LINGO2: variants seen among roughly 807,000 people sequenced by gnomAD.
The protein encoded by LINGO2 is leucine-rich repeat and immunoglobulin-like domain-containing nogo receptor-interacting protein 2.
In LINGO2, 14 loss-of-function variants were observed where a neutral mutation model predicts 30.6. That is an observed-to-expected ratio of 0.46 (90% confidence interval 0.30 to 0.72). LINGO2 has a LOEUF of 0.72. LINGO2 is among the 30% of genes least tolerant of loss of function. LINGO2 has a pLI of 0.07. For synonymous variants in LINGO2, 317 were observed against 288.5 expected, an observed-to-expected ratio of 1.10 and a Z score of -1.00; for missense variants, 729 against 751.7, an observed-to-expected ratio of 0.97 and a Z score of 0.35.
At chr9:29,070,890 A>C in the LINGO2 span, among the ~76,000 whole-genome samples, 14 of 150,988 alleles carry the variant, frequency 9.3e-5, no homozygotes, top group South Asian at 2.9e-3. Context: ...AATTGTATAT[A>C]TATGAATATA....
At chr9:28,254,665 T>A (rs1002423533) in intron 4 of LINGO2, among the ~76,000 whole-genome samples, 1 of 151,938 alleles carries the variant, frequency 6.6e-6, no homozygotes, top group Non-Finnish European at 1.5e-5. Context: ...TCTGTCCTTT[T>A]ACTGAAAAAA....
chr9:28,309,698 AT>A (rs749321328), intron 3 of LINGO2, among the ~76,000 whole-genome samples: 1 of 152,062 alleles, frequency 6.6e-6, no homozygotes, highest in Non-Finnish European at 1.5e-5. Flanking sequence ...ACGTTTTTGC[AT>A]TGTGAAAACC....
At chr9:28,983,118 C>T in the LINGO2 span, among the ~76,000 whole-genome samples, 3 of 151,842 alleles carry the variant, frequency 2.0e-5, no homozygotes, top group Non-Finnish European at 4.4e-5. Flanking sequence ...AGACAAAACG[C>T]TATCTGTGTG....
At chr9:28,078,522 T>C (rs2133206642) in intron 4 of LINGO2, among the ~76,000 whole-genome samples, 1 of 148,588 alleles carries the variant, frequency 6.7e-6, no homozygotes, top group East Asian at 1.9e-4. Context: ...ATTGACAAAT[T>C]ATGTTATATT....
Position 28,160,341 on chromosome 9 carries a change from G to A in LINGO2, c.-87+134867C>T, listed in dbSNP as rs143274267. Reference sequence around the variant, plus strand: ...CTCATTAAACAGAGTAATGACCCTTGGACTCATCATATTTAAAAAATAAAA... The same window carrying A: ...CTCATTAAACAGAGTAATGACCCTTAGACTCATCATATTTAAAAAATAAAA... On this transcript the variant is annotated intron_variant, in intron 4 of 5. Transcript: ENST00000379992. 9.0e-3 allele frequency among the ~76,000 whole-genome samples: 1,370 copies of A among 151,914 alleles called. 19 individuals are homozygous for A. Among genetic ancestry groups the A allele is most frequent in the African/African-American group, 0.023 (959 of 41,430 alleles).
intron 1 of LINGO2, among the ~76,000 whole-genome samples, chr9:28,524,940 A>C (rs1371756027): frequency 6.6e-6 from 1 of 152,212 alleles, no homozygotes; most frequent in Non-Finnish European, 1.5e-5. Context: ...AAATATACTT[A>C]ACATGATTAG....
downstream of LINGO2, among the ~76,000 whole-genome samples, chr9:27,947,116 A>G (rs1823395213): frequency 6.6e-6 from 1 of 152,290 alleles, no homozygotes; most frequent in East Asian, 1.9e-4. Context: ...TGAAATAGGA[A>G]AAGTATAGAT....
chr9:28,557,710 C>T (rs1011952074), intron 1 of LINGO2, among the ~76,000 whole-genome samples: 11 of 151,136 alleles, frequency 7.3e-5, no homozygotes, highest in Admixed American at 2.0e-4. Context: ...ATGTTTATTG[C>T]GGCATTATTC....
At chr9:28,186,666 G>C (rs1819552782) in intron 4 of LINGO2, among the ~76,000 whole-genome samples, 1 of 152,052 alleles carries the variant, frequency 6.6e-6, no homozygotes, top group Admixed American at 6.6e-5. Flanking sequence ...CAAAAAATGT[G>C]AAGACTTCAA....
At chr9:28,926,170 C>T in the LINGO2 span, among the ~76,000 whole-genome samples, 7 of 151,994 alleles carry the variant, frequency 4.6e-5, no homozygotes, top group Non-Finnish European at 8.8e-5. Flanking sequence ...AAAAATTAGC[C>T]GGGGACAGTG....
exon 6 of LINGO2, chr9:27,950,048 C>A: frequency 6.2e-7 from 1 of 1,614,102 alleles, no homozygotes; most frequent in Middle Eastern, 1.6e-4. Context: ...TGAGATGCTT[C>A]AGATGCAGGC....
chr9:28,271,729 C>A (rs1822948255), intron 4 of LINGO2, among the ~76,000 whole-genome samples: 1 of 152,096 alleles, frequency 6.6e-6, no homozygotes, highest in Non-Finnish European at 1.5e-5. Context: ...TGGCTGTACC[C>A]ACTGCGATGC....
the LINGO2 span, among the ~76,000 whole-genome samples, chr9:29,184,770 G>C: frequency 6.7e-6 from 1 of 148,794 alleles, no homozygotes; most frequent in African/African-American, 2.5e-5. Flanking sequence ...GTTTTGTCTG[G>C]AGAATGGATT....
chr9:28,683,042 G>T, the LINGO2 span, among the ~76,000 whole-genome samples: 39 of 151,964 alleles, frequency 2.6e-4, no homozygotes, highest in Non-Finnish European at 1.5e-5. Flanking sequence ...CACTTTCCCT[G>T]TCCTGAGATA....
At chr9:29,127,596 G>A in the LINGO2 span, among the ~76,000 whole-genome samples, 8,127 of 152,076 alleles carry the variant, frequency 0.053, 305 homozygotes, top group Admixed American at 0.098. Context: ...CATCAGGTTC[G>A]GGTGAGGGAC....
the LINGO2 span, among the ~76,000 whole-genome samples, chr9:28,876,871 T>G: frequency 3.9e-5 from 6 of 152,062 alleles, no homozygotes; most frequent in Non-Finnish European, 2.9e-5. Context: ...CCACCAACAG[T>G]GTAAAAGTGT....
the LINGO2 span, among the ~76,000 whole-genome samples, chr9:28,797,353 T>G: frequency 0.08 from 4,780 of 59,654 alleles, 75 homozygotes; most frequent in African/African-American, 0.094. Flanking sequence ...TATATATATA[T>G]ATATATAGAG....
At chr9:28,241,425 G>A (rs4392996) in intron 4 of LINGO2, among the ~76,000 whole-genome samples, 6 of 151,982 alleles carry the variant, frequency 3.9e-5, no homozygotes, top group African/African-American at 1.2e-4. Context: ...GAGGTATCAG[G>A]GTTCTGTCAT....
chr9:28,354,152 T>TA (rs199705884), intron 3 of LINGO2, among the ~76,000 whole-genome samples: 22 of 149,974 alleles, frequency 1.5e-4, no homozygotes, highest in South Asian at 6.4e-4. Context: ...TAAAGTTAAT[T>TA]AAAAAAAAAA....
Sources: allele counts gnomAD v4.1 joint callset (sites outside exome capture counted in the v4.1 genomes callset), GRCh38; gene constraint gnomAD v4.1.1; transcripts MANE v1.5; gene names NCBI Gene and HGNC (gene_info 2026-07-23, HGNC 2026-07-21).